CNTNAP2: variants seen among roughly 807,000 people sequenced by gnomAD.
CNTNAP2 encodes the protein contactin-associated protein-like 2.
Under a neutral mutation model 155.2 loss-of-function variants are expected in CNTNAP2, and 98 were observed. That is an observed-to-expected ratio of 0.63 (90% CI 0.54 to 0.75). CNTNAP2 has a LOEUF of 0.75. Ranked by LOEUF, CNTNAP2 falls within the 30% of genes least tolerant of loss-of-function variation. The pLI is 0.00. For synonymous variants in CNTNAP2, 651 were observed against 631.2 expected (o/e 1.03, Z -0.47); for missense variants, 1,727 against 1,688.1 (o/e 1.02, Z -0.40).
At chr7:148,357,750 ATTTCTGATTCC>A in intron 21 of CNTNAP2, among the ~76,000 whole-genome samples, 1 of 152,200 alleles carries the variant, frequency 6.6e-6, no homozygotes, top group Non-Finnish European at 1.5e-5. Flanking sequence ...TACTAATAAA[ATTTCTGATTCC>A]AACTAAATTC....
chr7:146,448,139 A>G (rs1251420983), intron 1 of CNTNAP2, among the ~76,000 whole-genome samples: 4 of 152,080 alleles, frequency 2.6e-5, no homozygotes, highest in African/African-American at 9.7e-5. Context: ...ACCAATACAT[A>G]TTTAATGATT....
At chr7:146,652,186 T>C (rs1799926140) in intron 1 of CNTNAP2, among the ~76,000 whole-genome samples, 1 of 151,812 alleles carries the variant, frequency 6.6e-6, no homozygotes, top group South Asian at 2.1e-4. Context: ...CATTTATTAG[T>C]GTTAATTACT....
chr7:147,303,011 C>T (rs142164319), intron 9 of CNTNAP2, among the ~76,000 whole-genome samples: 11 of 152,336 alleles, frequency 7.2e-5, no homozygotes, highest in Non-Finnish European at 1.3e-4. Context: ...GATTCAGCTA[C>T]ACCCAGAGCT....
chr7:147,119,962 G>T (rs1801069558), intron 5 of CNTNAP2, among the ~76,000 whole-genome samples: 1 of 151,874 alleles, frequency 6.6e-6, no homozygotes, highest in Non-Finnish European at 1.5e-5. Context: ...CTTTATCCAG[G>T]GATGACCTTA....
intron 1 of CNTNAP2, among the ~76,000 whole-genome samples, chr7:146,220,526 T>G (rs913868275): frequency 6.6e-6 from 1 of 152,144 alleles, no homozygotes; most frequent in African/African-American, 2.4e-5. Flanking sequence ...TGTACTAGTA[T>G]AGAAAGCACC....
intron 1 of CNTNAP2, among the ~76,000 whole-genome samples, chr7:146,250,771 C>G (rs548903743): frequency 6.6e-6 from 1 of 152,222 alleles, no homozygotes; most frequent in East Asian, 1.9e-4. Context: ...TGATGATAAC[C>G]ATATTTGACG....
At chr7:147,524,831 T>C (rs1286151898) in intron 11 of CNTNAP2, among the ~76,000 whole-genome samples, 3 of 152,108 alleles carry the variant, frequency 2.0e-5, no homozygotes, top group South Asian at 2.1e-4. Context: ...AAACCACAGC[T>C]CTAGTGGTCA....
intron 8 of CNTNAP2, among the ~76,000 whole-genome samples, chr7:147,212,559 C>T (rs1362745608): frequency 6.6e-6 from 1 of 151,940 alleles, no homozygotes; most frequent in Non-Finnish European, 1.5e-5. Flanking sequence ...AAAAAGATGG[C>T]AACAGTAGAC....
intron 10 of CNTNAP2, among the ~76,000 whole-genome samples, chr7:147,436,922 T>TA (rs1274392538): frequency 1.3e-5 from 2 of 152,062 alleles, no homozygotes; most frequent in African/African-American, 4.8e-5. Context: ...CAAGAAGCTT[T>TA]AAAAAAAGGT....
chr7:147,886,135 A>T (rs571912733), intron 13 of CNTNAP2, among the ~76,000 whole-genome samples: 1 of 152,248 alleles, frequency 6.6e-6, no homozygotes, highest in Non-Finnish European at 1.5e-5. Flanking sequence ...AGACTGTCCC[A>T]TGCTCAGGCA....
At chr7:148,191,289 T>A (rs1207264611) in intron 18 of CNTNAP2, among the ~76,000 whole-genome samples, 1 of 152,106 alleles carries the variant, frequency 6.6e-6, no homozygotes, top group Admixed American at 6.6e-5. Context: ...TCCTCTTTCC[T>A]CTGTCTTCTC....
chr7:147,147,666 G>A (rs757050350), intron 8 of CNTNAP2, among the ~76,000 whole-genome samples: 3 of 152,022 alleles, frequency 2.0e-5, no homozygotes, highest in Non-Finnish European at 4.4e-5. Context: ...CTCATCATGT[G>A]TTCCTCCTTT....
intron 14 of CNTNAP2, among the ~76,000 whole-genome samples, chr7:147,933,010 A>T (rs1271224988): frequency 6.6e-6 from 1 of 152,088 alleles, no homozygotes; most frequent in Non-Finnish European, 1.5e-5. Flanking sequence ...AACCATAATG[A>T]GATATCTCAC....
intron 1 of CNTNAP2, among the ~76,000 whole-genome samples, chr7:146,346,082 T>C (rs1794814378): frequency 6.6e-6 from 1 of 152,080 alleles, no homozygotes; most frequent in Non-Finnish European, 1.5e-5. Flanking sequence ...AAGACACAGA[T>C]CATAAGAGAG....
intron 1 of CNTNAP2, among the ~76,000 whole-genome samples, chr7:146,763,550 A>G (rs1802141632): frequency 6.6e-6 from 1 of 152,198 alleles, no homozygotes; most frequent in African/African-American, 2.4e-5. Context: ...GGAAATGCAT[A>G]TTAACTTTGC....
At chr7:148,273,239 G>T (rs1796814375) in intron 21 of CNTNAP2, among the ~76,000 whole-genome samples, 1 of 152,182 alleles carries the variant, frequency 6.6e-6, no homozygotes, top group African/African-American at 2.4e-5. Context: ...TTTAAGATTT[G>T]TGGTGGGAGT....
chr7:147,054,684 T>A (rs1799527902), intron 4 of CNTNAP2, among the ~76,000 whole-genome samples: 1 of 152,124 alleles, frequency 6.6e-6, no homozygotes, highest in Non-Finnish European at 1.5e-5. Context: ...ATATTTAAGA[T>A]GGCAGTAATT....
At chr7:147,007,948 C>T (rs2129242964) in intron 3 of CNTNAP2, among the ~76,000 whole-genome samples, 1 of 152,180 alleles carries the variant, frequency 6.6e-6, no homozygotes, top group South Asian at 2.1e-4. Context: ...AAAAGCTAAG[C>T]TTCTAATAAA....
At chr7:146,658,248 A>G (rs1800027678) in intron 1 of CNTNAP2, among the ~76,000 whole-genome samples, 1 of 152,170 alleles carries the variant, frequency 6.6e-6, no homozygotes, top group African/African-American at 2.4e-5. Flanking sequence ...ATGGCAGCAC[A>G]TTAAATTTAC....
Sources: gnomAD v4.1 joint callset for allele counts (sites outside exome capture counted in the v4.1 genomes callset) on GRCh38, gnomAD v4.1.1 for gene constraint, MANE v1.5 for transcripts, NCBI Gene and HGNC (gene_info 2026-07-23, HGNC 2026-07-21) for gene names.